GNB1: variants seen among roughly 807,000 people sequenced by gnomAD.
The protein encoded by GNB1 is G protein subunit beta 1, also known as guanine nucleotide-binding protein G(I)/G(S)/G(T) subunit beta-1.
A neutral mutation model predicts 42.9 loss-of-function variants in GNB1; 2 were observed. The ratio of observed to expected loss-of-function variants is 0.05; its 90% CI spans 0.02 to 0.15. The LOEUF (loss-of-function observed/expected upper bound fraction) is 0.15, where lower values mean the gene tolerates loss of function less well. Among genes scored for constraint, GNB1 ranks in the 10% least tolerant of loss-of-function variants. The pLI, the probability that GNB1 is intolerant of heterozygous loss-of-function variation, is 1.00. For missense variants in GNB1, 193 were observed against 462.2 expected (o/e 0.42, Z 5.34); for synonymous variants, 183 against 174.7 (o/e 1.05, Z -0.38).
chr1:1,809,189 A>ATTTTTTT (rs34549355), intron 5 of GNB1, among the ~76,000 whole-genome samples: 1 of 92,724 alleles, frequency 1.1e-5, no homozygotes, highest in Non-Finnish European at 2.5e-5. Context: ...TTCAGATGCA[A>ATTTTTTT]TTTTTTTTTT....
chr1:1,812,407 T>TACACAC (rs4012956), intron 5 of GNB1, among the ~76,000 whole-genome samples: 44 of 146,304 alleles, frequency 3.0e-4, no homozygotes, highest in East Asian at 6.0e-4. Flanking sequence ...CACACATACA[T>TACACAC]ACACACACAC....
chr1:1,848,312 G>C (rs921869414), intron 1 of GNB1, among the ~76,000 whole-genome samples: 22 of 150,162 alleles, frequency 1.5e-4, no homozygotes, highest in Non-Finnish European at 3.1e-4. Flanking sequence ...CCAGGAGGCG[G>C]AGGCTGCAGT....
At chr1:1,844,386 G>A (rs1489865317) in intron 1 of GNB1, among the ~76,000 whole-genome samples, 23 of 50,382 alleles carry the variant, frequency 4.6e-4, no homozygotes, top group Non-Finnish European at 3.2e-4. Context: ...GTGAGACTCC[G>A]TCTCCAAAAA....
chr1:1,837,227 A>T (rs181994749), intron 2 of GNB1, among the ~76,000 whole-genome samples: 78 of 151,472 alleles, frequency 5.1e-4, no homozygotes, highest in African/African-American at 1.7e-3. Flanking sequence ...TTTACGTTTT[A>T]TATTTAGGTA....
chr1:1,790,261 A>G lies in GNB1; in HGVS notation c.699+134T>C, dbSNP rs1646464023. ...AAGTTTCCCATCGGGAGTTTTCTGTATCCCCATCTGTACATGAGGTTGTAT... is the reference window on the plus strand; with the variant it reads ...AAGTTTCCCATCGGGAGTTTTCTGTGTCCCCATCTGTACATGAGGTTGTAT... On this transcript the variant is annotated intron_variant, in intron 9 of 11. Transcript: ENST00000378609. The surrounding 1 kb of genome is among the most constrained non-coding windows in gnomAD (Gnocchi z 5.4). The G allele has an allele frequency of 1.5e-6, 1 of 649,654 alleles. No homozygotes were observed. Among genetic ancestry groups the G allele is most frequent in the South Asian group, 1.9e-5 (1 of 53,782 alleles). 40.2% of individuals were successfully genotyped at this position (649,654 alleles called of 1,614,324 possible).
In GNB1 at chr1:1,802,659, G is replaced by A. The variant is rs1320654420; in HGVS notation, c.430+1760C>T. The stretch of plus-strand genomic sequence containing the variant: ...TGGTGCACGCCTGTAATCTACTCGG[G>A]AGGCTGAGGCAGGAGAATCGCTTGA... On this transcript the variant is annotated intron_variant, in intron 7 of 11. Coordinates refer to ENST00000378609, the MANE Select transcript of GNB1 (RefSeq NM_002074.5). Among the ~76,000 whole-genome samples the A allele has an allele frequency of 2.0e-5, 3 of 152,026 alleles. No homozygotes were observed. In the South Asian group the frequency reaches 6.2e-4, roughly 32 times the overall value.
chr1:1,828,894 T>TAC (rs71578341), intron 2 of GNB1, among the ~76,000 whole-genome samples: 61,961 of 149,748 alleles, frequency 0.41, 12,795 homozygotes, highest in Middle Eastern at 0.53. Flanking sequence ...CATACACACA[T>TAC]ACACACACAC....
intron 1 of GNB1, among the ~76,000 whole-genome samples, chr1:1,848,357 CAAAAAA>C (rs56979938): frequency 2.1e-5 from 2 of 94,364 alleles, no homozygotes; most frequent in African/African-American, 4.7e-5. Flanking sequence ...CCAGCCCAGG[CAAAAAA>C]AAAAAAAAAA....
chr1:1,811,167 C>T (rs1481339028), intron 5 of GNB1, among the ~76,000 whole-genome samples: 1 of 151,248 alleles, frequency 6.6e-6, no homozygotes, highest in Non-Finnish European at 1.5e-5. Context: ...CTCACTGCAA[C>T]CTCCAGCTCC....
intron 5 of GNB1, among the ~76,000 whole-genome samples, chr1:1,815,130 G>GAGAAA (rs1476096129): frequency 6.6e-6 from 1 of 150,500 alleles, no homozygotes; most frequent in African/African-American, 2.4e-5. Context: ...AAAAAAAAAA[G>GAGAAA]AGAAAAGAAA....
chr1:1,804,508 C>T lies in GNB1; in HGVS notation c.341G>A (p.Cys114Tyr), dbSNP rs1313820360. 6.2e-7 allele frequency: 1 copy of T among 1,613,534 alleles called. No homozygotes were observed. Among genetic ancestry groups the T allele is most frequent in the Non-Finnish European group, 8.5e-7 (1 of 1,179,522 alleles). Residue 114 changes from cysteine to tyrosine, a missense_variant, in exon 7 of 12, where the codon TGC becomes TAC. Coordinates refer to ENST00000378609, the MANE Select transcript of GNB1 (RefSeq NM_002074.5). ...GGAGCAAATGTTATCCAGGCCACCGCAGGCCACATAGTTCCCAGAAGGGGC... is the reference window on the plus strand; with the variant it reads ...GGAGCAAATGTTATCCAGGCCACCGTAGGCCACATAGTTCCCAGAAGGGGC... ...AYAPSGNYVA[C>Y]GGLDNICSIY...
chr1:1,887,952 C>T (rs1033814401), intron 1 of GNB1, among the ~76,000 whole-genome samples: 4 of 152,172 alleles, frequency 2.6e-5, no homozygotes, highest in Non-Finnish European at 4.4e-5. Context: ...AAAAACCACA[C>T]ACTATTCTGC....
intron 1 of GNB1, among the ~76,000 whole-genome samples, chr1:1,848,381 G>GA (rs1283782744): frequency 6.8e-6 from 1 of 146,590 alleles, no homozygotes; most frequent in East Asian, 2.0e-4. Context: ...AAAAGAAAAA[G>GA]AAAAAATAAA....
intron 1 of GNB1, among the ~76,000 whole-genome samples, chr1:1,866,826 C>T (rs1648968627): frequency 2.0e-5 from 3 of 151,938 alleles, no homozygotes; most frequent in Admixed American, 6.6e-5. Context: ...TGTTGGCAGG[C>T]GCCTGTAGTC....
chr1:1,842,168 C>A (rs565685622), intron 1 of GNB1, among the ~76,000 whole-genome samples: 1 of 152,180 alleles, frequency 6.6e-6, no homozygotes, highest in African/African-American at 2.4e-5. Context: ...CGGTGGCTCA[C>A]GCCTGTAATC....
rs930988527 is a variant in GNB1, at chr1:1,855,802, C to T, written c.-95-16564G>A. On this transcript the variant is annotated intron_variant, in intron 1 of 11. Coordinates refer to ENST00000378609, the MANE Select transcript of GNB1 (RefSeq NM_002074.5). Reference sequence around the variant, plus strand: ...TCAGAGTAACCTGGGGAAAGAGAGACACCTGGTGTTTGCTTCTTTGGCTAT... The same window carrying T: ...TCAGAGTAACCTGGGGAAAGAGAGATACCTGGTGTTTGCTTCTTTGGCTAT... Among the ~76,000 whole-genome samples the T allele has an allele frequency of 2.0e-5, 3 of 152,302 alleles. No homozygotes were observed. The East Asian group carries it at 5.8e-4, about 29-fold the overall frequency.
intron 3 of GNB1, among the ~76,000 whole-genome samples, chr1:1,820,777 T>C (rs543830333): frequency 9.2e-5 from 14 of 152,342 alleles, no homozygotes; most frequent in African/African-American, 2.6e-4. Flanking sequence ...GTGATACTAC[T>C]GTTAAACCGA....
At chr1:1,789,997 G>A (rs1278859845) in intron 9 of GNB1, among the ~76,000 whole-genome samples, 1 of 152,178 alleles carries the variant, frequency 6.6e-6, no homozygotes, top group East Asian at 1.9e-4. Context: ...ATCCTTCTAA[G>A]TCTCCTCACA....
At chr1:1,804,931 G>A (rs565913235) in intron 6 of GNB1, among the ~76,000 whole-genome samples, 63 of 152,194 alleles carry the variant, frequency 4.1e-4, no homozygotes, top group Non-Finnish European at 4.1e-4. Flanking sequence ...AGGCTAAGTC[G>A]GGCAGATCAC....
Sources: allele counts gnomAD v4.1 joint callset (sites outside exome capture counted in the v4.1 genomes callset), GRCh38; gene constraint gnomAD v4.1.1; non-coding constraint Gnocchi (gnomAD v3.1); transcripts MANE v1.5; gene names NCBI Gene and HGNC (gene_info 2026-07-23, HGNC 2026-07-21).